Variants in KDM4C observed in about 807,000 individuals in gnomAD.
The protein encoded by KDM4C is lysine-specific demethylase 4C.
KDM4C carries 81 observed loss-of-function variants against 129.3 expected under a neutral mutation model. That is an observed-to-expected ratio of 0.63 (90% CI 0.52 to 0.75). The LOEUF is 0.75. KDM4C is among the 30% of genes least tolerant of loss of function. KDM4C has a pLI of 0.00. For synonymous variants in KDM4C, 573 were observed against 456.1 expected, an observed-to-expected ratio of 1.26 and a Z score of -3.26; for missense variants, 1,457 against 1,304.0, an observed-to-expected ratio of 1.12 and a Z score of -1.81.
chr9:6,784,883 G>T (rs1825146109), intron 1 of KDM4C, among the ~76,000 whole-genome samples: 1 of 152,342 alleles, frequency 6.6e-6, no homozygotes, highest in South Asian at 2.1e-4. Flanking sequence ...GATTAATGGA[G>T]AGTTGTGGAG....
intron 5 of KDM4C, among the ~76,000 whole-genome samples, chr9:6,864,773 G>T (rs1841616683): frequency 6.6e-6 from 1 of 150,830 alleles, no homozygotes; most frequent in African/African-American, 2.4e-5. Context: ...CTTAGATTTG[G>T]TCTTTAGTGG....
chr9:6,791,425 T>G (rs951586762), intron 1 of KDM4C, among the ~76,000 whole-genome samples: 3 of 152,212 alleles, frequency 2.0e-5, no homozygotes, highest in Non-Finnish European at 4.4e-5. Flanking sequence ...ATTTTTATAT[T>G]GAAGTTTGTT....
intron 1 of KDM4C, among the ~76,000 whole-genome samples, chr9:6,732,364 C>CAAAAAAAAAAAA (rs66904997): frequency 3.3e-5 from 1 of 29,978 alleles, no homozygotes; most frequent in Non-Finnish European, 5.7e-5. Context: ...GACTCTGTCT[C>CAAAAAAAAAAAA]AAAAAAAAAA....
intron 21 of KDM4C, among the ~76,000 whole-genome samples, chr9:7,172,729 C>T (rs1289014975): frequency 3.3e-5 from 5 of 152,162 alleles, no homozygotes; most frequent in Admixed American, 3.3e-4. Context: ...TTTTTGTTTT[C>T]AGGCTTCCTT....
chr9:6,936,794 G>A (rs996046301), intron 8 of KDM4C, among the ~76,000 whole-genome samples: 1 of 152,178 alleles, frequency 6.6e-6, no homozygotes, highest in Non-Finnish European at 1.5e-5. Flanking sequence ...TAATAACTAT[G>A]TGCCCTTAGC....
At chr9:7,111,317 T>A (rs1009750696) in intron 18 of KDM4C, among the ~76,000 whole-genome samples, 15 of 152,146 alleles carry the variant, frequency 9.9e-5, no homozygotes, top group African/African-American at 3.4e-4. Context: ...AAATGCTCAT[T>A]TAAGCATTTC....
chr9:6,856,747 A>ATTTTT (rs781673639), intron 5 of KDM4C, among the ~76,000 whole-genome samples: 1 of 104,300 alleles, frequency 9.6e-6, no homozygotes, highest in African/African-American at 3.7e-5. Flanking sequence ...TAATTTTTGT[A>ATTTTT]TTTTTTTTTT....
intron 2 of KDM4C, among the ~76,000 whole-genome samples, chr9:6,797,278 T>C (rs1210127739): frequency 2.6e-5 from 4 of 152,180 alleles, no homozygotes; most frequent in South Asian, 2.1e-4. Flanking sequence ...TGAGCCACTG[T>C]GCCTGGCCCG....
At chr9:6,772,845 A>G (rs1046808755) in intron 1 of KDM4C, among the ~76,000 whole-genome samples, 2 of 146,576 alleles carry the variant, frequency 1.4e-5, no homozygotes, top group Admixed American at 1.4e-4. Context: ...GGTGCGTGCC[A>G]CCCCCATGCC....
At chr9:6,730,569 C>A (rs959106597) in intron 1 of KDM4C, among the ~76,000 whole-genome samples, 1 of 150,122 alleles carries the variant, frequency 6.7e-6, no homozygotes, top group Non-Finnish European at 1.5e-5. Flanking sequence ...GAGCCGAGAT[C>A]GTGCCACTGC....
intron 15 of KDM4C, among the ~76,000 whole-genome samples, chr9:7,046,117 G>T (rs553038482): frequency 6.6e-6 from 1 of 151,932 alleles, no homozygotes; most frequent in Non-Finnish European, 1.5e-5. Flanking sequence ...CCTTTTCCTG[G>T]TCTTTTTCAT....
rs142335810 is a variant in KDM4C, at chr9:6,984,259, C to T, written c.1209C>T (p.Pro403=). ...DEVDGAEVPN[P]DSVTDDLKVS... is the part of the protein sequence containing the mutation. The stretch of plus-strand genomic sequence containing the variant: ...TCGATGGGGCAGAGGTCCCTAACCC[C>T]GACTCAGTCACAGATGACCTCAAGG... Residue 403 remains proline, a synonymous_variant, in exon 10 of 22, where the codon CCC becomes CCT. Coordinates refer to ENST00000381309, the MANE Select transcript of KDM4C (RefSeq NM_015061.6). 18 of 1,613,832 alleles carry T rather than the reference C, an allele frequency of 1.1e-5. No individual in the cohort carries two copies. The highest frequency in any genetic ancestry group is 1.1e-4 in the African/African-American group (8 of 74,904).
intron 12 of KDM4C, among the ~76,000 whole-genome samples, chr9:7,000,913 T>A (rs1820608192): frequency 1.3e-5 from 2 of 152,230 alleles, no homozygotes; most frequent in African/African-American, 4.8e-5. Context: ...TTTAATATTG[T>A]GGTGACTTTA....
chr9:7,124,478 A>G (rs1457495784), intron 18 of KDM4C, among the ~76,000 whole-genome samples: 1 of 152,088 alleles, frequency 6.6e-6, no homozygotes. Flanking sequence ...AGTAGCTGTC[A>G]CAGGCCCAAT....
intron 5 of KDM4C, among the ~76,000 whole-genome samples, chr9:6,866,559 A>G (rs2130572636): frequency 6.6e-6 from 1 of 152,254 alleles, no homozygotes; most frequent in African/African-American, 2.4e-5. Flanking sequence ...TATTCCTGCC[A>G]TCGCTCTTTG....
At chr9:6,890,675 T>C (rs529071842) in intron 7 of KDM4C, among the ~76,000 whole-genome samples, 1 of 151,800 alleles carries the variant, frequency 6.6e-6, no homozygotes, top group Admixed American at 6.6e-5. Context: ...CTAGGTAGGG[T>C]AGAGAAGGTT....
chr9:6,751,031 A>G lies in KDM4C; in HGVS notation c.49+30034A>G, dbSNP rs1257316563. On this transcript the variant is annotated intron_variant, in intron 1 of 17. Coordinates refer to the KDM4C transcript ENST00000536108. ...TGGTAAGCTAGAAGAACTTCCTTAC[A>G]TGACAGTCTCAGGACCGTATCATAA... 3.9e-5 allele frequency among the ~76,000 whole-genome samples: 6 copies of G among 152,308 alleles called. No individual in the cohort carries two copies. The East Asian group carries it at 5.8e-4, about 15-fold the overall frequency.
intron 18 of KDM4C, among the ~76,000 whole-genome samples, chr9:7,120,831 C>T (rs1839410417): frequency 6.6e-6 from 1 of 152,126 alleles, no homozygotes; most frequent in Non-Finnish European, 1.5e-5. Flanking sequence ...CTTCCTAACT[C>T]ACTTGGTCAG....
At chr9:7,108,936 AT>A (rs1380729483) in intron 18 of KDM4C, among the ~76,000 whole-genome samples, 1 of 152,212 alleles carries the variant, frequency 6.6e-6, no homozygotes, top group Non-Finnish European at 1.5e-5. Flanking sequence ...TTTTATGTGA[AT>A]TTATTAATTG....
Sources: gnomAD v4.1 joint callset for allele counts (sites outside exome capture counted in the v4.1 genomes callset) on GRCh38, gnomAD v4.1.1 for gene constraint, MANE v1.5 for transcripts, NCBI Gene and HGNC (gene_info 2026-07-23, HGNC 2026-07-21) for gene names.